ATM: variants seen among roughly 807,000 people sequenced by gnomAD.
ATM encodes the protein serine-protein kinase ATM.
ATM carries 308 observed loss-of-function variants against 387.0 expected under a neutral mutation model. That is an observed-to-expected ratio of 0.80 (90% confidence interval 0.73 to 0.87). The LOEUF (loss-of-function observed/expected upper bound fraction) is 0.87. Ranked by LOEUF, ATM falls within the 40% of genes least tolerant of loss-of-function variation. ATM has a pLI of 0.00. For synonymous variants in ATM, 1,156 were observed against 1,187.3 expected (o/e 0.97, Z 0.54); for missense variants, 3,312 against 3,560.9 (o/e 0.93, Z 1.78).
chr11:108,261,212 C>T (rs1238268134), intron 16 of ATM, among the ~76,000 whole-genome samples: 1 of 152,234 alleles, frequency 6.6e-6, no homozygotes, highest in Non-Finnish European at 1.5e-5. Flanking sequence ...CAGCAGTAAC[C>T]TCTGCAGACT....
chr11:108,324,284 A>G (rs1202441297), intron 45 of ATM, among the ~76,000 whole-genome samples: 1 of 152,182 alleles, frequency 6.6e-6, no homozygotes, highest in Non-Finnish European at 1.5e-5. Flanking sequence ...GACTTTGAAC[A>G]TCAGCATTAT....
rs1466545116 is a variant in ATM, at chr11:108,312,509, G to C, written c.6006+11G>C. On this transcript the variant is annotated intron_variant, in intron 40 of 62. Coordinates refer to ENST00000675843, the MANE Select transcript of ATM (RefSeq NM_000051.4). ...GGAATAAGTTTACAGGTAAATATTA[G>C]AGGCTCTATTATTTATGACAGTATT... 1.3e-5 allele frequency: 20 copies of C among 1,521,128 alleles called. No individual in the cohort carries two copies. Among genetic ancestry groups the C allele is most frequent in the Non-Finnish European group, 1.8e-5 (20 of 1,095,964 alleles). The allele number at this position is 1,521,128 out of a possible 1,614,324, so 94.2% of individuals were successfully genotyped here.
At chr11:108,282,166 C>T (rs893099519) in intron 24 of ATM, among the ~76,000 whole-genome samples, 4 of 150,470 alleles carry the variant, frequency 2.7e-5, no homozygotes, top group East Asian at 3.9e-4. Context: ...CTCGCTCTGT[C>T]GCCCAGACTG....
chr11:108,325,249 G>GTTT (rs11366542), intron 45 of ATM, 61 bp from the exon 46 acceptor site: 160 of 566,028 alleles, frequency 2.8e-4, no homozygotes, highest in African/African-American at 1.6e-3. Flanking sequence ...AACTTACATA[G>GTTT]TTTTTTTTTT....
chr11:108,284,489 T>G lies in ATM; in HGVS notation c.3993+16T>G, dbSNP rs2135710569. The stretch of plus-strand genomic sequence containing the variant: ...GGGAAAACAGGTATGGCTTCAATTT[T>G]TATGTACTTTTCATTCCCTGAATGA... On this transcript the variant is annotated intron_variant, in intron 26 of 62. Coordinates refer to ENST00000675843, the MANE Select transcript of ATM (RefSeq NM_000051.4). 6.2e-7 allele frequency: 1 copy of G among 1,613,472 alleles called. No homozygotes were observed. Among genetic ancestry groups the G allele is most frequent in the Non-Finnish European group, 8.5e-7 (1 of 1,179,614 alleles).
chr11:108,291,997 A>T (rs2082821321), intron 29 of ATM, among the ~76,000 whole-genome samples: 1 of 152,172 alleles, frequency 6.6e-6, no homozygotes. Flanking sequence ...TCTCAACAGT[A>T]ATCTTTTGCC....
At chr11:108,258,887 ATT>A in intron 15 of ATM, 97 bp from the exon 16 acceptor site, 1 of 943,578 alleles carries the variant, frequency 1.1e-6, no homozygotes, top group Non-Finnish European at 1.7e-6. Flanking sequence ...ATAGTAAACT[ATT>A]TATCTACATT....
chr11:108,251,209 T>C lies in ATM; in HGVS notation c.1607+137T>C, dbSNP rs2080131965. On this transcript the variant is annotated intron_variant, in intron 10 of 62. Coordinates refer to ENST00000675843, the MANE Select transcript of ATM (RefSeq NM_000051.4). ...ATTCTATTTCAGATGCTTTTCTTGT[T>C]TGGCCGAGAAGACTTAATAAATGCA... 23 of 1,347,340 alleles carry C rather than the reference T, an allele frequency of 1.7e-5. No individual in the cohort carries two copies. The South Asian group carries it at 2.9e-4, about 17-fold the overall frequency. 83.5% of individuals were successfully genotyped at this position (1,347,340 alleles called of 1,614,324 possible).
At chr11:108,270,787 C>T (rs1467374429) in intron 18 of ATM, among the ~76,000 whole-genome samples, 4 of 152,048 alleles carry the variant, frequency 2.6e-5, no homozygotes, top group Non-Finnish European at 5.9e-5. Context: ...CCTTCGCCTC[C>T]CAGGTTCAAG....
rs755397489 is a variant in ATM at position 108,301,721 on chromosome 11, G to C, written c.5251G>C (p.Glu1751Gln). ...CACAAAGACTGGACATAGTTTCTGGGAGATTTATAAGATGACAACAGATCC... is the reference window on the plus strand; with the variant it reads ...CACAAAGACTGGACATAGTTTCTGGCAGATTTATAAGATGACAACAGATCC... ...LATKTGHSFW[E>Q]IYKMTTDPML... is the part of the protein sequence containing the mutation. Residue 1751 changes from glutamate (E) to glutamine (Q), a missense_variant, in exon 35 of 63, where the codon GAG becomes CAG. By Grantham distance (29) the Glu-to-Gln change is conservative. This residue lies in a region of ATM where 1,405 missense variants were observed against 1,604.4 expected (regional missense o/e 0.88). Coordinates refer to ENST00000675843, the MANE Select transcript of ATM (RefSeq NM_000051.4). 8 of 1,613,698 alleles carry C rather than the reference G, an allele frequency of 5.0e-6. No individual in the cohort carries two copies. The South Asian group carries it at 7.7e-5, about 16-fold the overall frequency.
rs182592298 is a variant in ATM at position 108,342,426 on chromosome 11, T to C, written c.8269-796T>C. Among the ~76,000 whole-genome samples the C allele has an allele frequency of 1.6e-3, 241 of 152,284 alleles. 1 individual carries two copies. The highest frequency in any genetic ancestry group is 2.1e-3 in the Non-Finnish European group (143 of 68,022). On this transcript the variant is annotated intron_variant, in intron 56 of 62. Transcript: ENST00000675843. ...CCAAATTACAGAAATATACATATAG[T>C]ATCCTAATTTTTTTACTTAATACTT...
intron 8 of ATM, 35 bp from the exon 9 acceptor site, chr11:108,248,898 A>G: frequency 6.4e-7 from 1 of 1,565,974 alleles, no homozygotes. Flanking sequence ...CAAAAAAAAA[A>G]AAAAGAAAAA....
At position 108,367,486 on chromosome 11, in the gene ATM, A is replaced by T. The variant is rs2091394727; in HGVS notation, c.*1978A>T. 9.7e-6 allele frequency: 2 copies of T among 205,214 alleles called. No homozygotes were observed. The highest frequency in any genetic ancestry group is 2.0e-5 in the Non-Finnish European group (2 of 100,364). 12.7% of individuals were successfully genotyped at this position (205,214 alleles called of 1,614,324 possible). A position where few individuals can be genotyped will look rare whatever the true frequency, so the allele number is the denominator to read the frequency against. On this transcript the variant is annotated 3_prime_UTR_variant, in exon 63 of 63. Transcript: ENST00000675843. ...GCTGTCATCATATAAGATAAACATC[A>T]GATAAAAAGCCACCTGAAAGTAAAA...
At chr11:108,270,980 C>A in intron 18 of ATM, 84 bp from the exon 19 acceptor site, 1 of 1,143,644 alleles carries the variant, frequency 8.7e-7, no homozygotes, top group Non-Finnish European at 1.3e-6. Flanking sequence ...AGGTGTGAGC[C>A]ACTGCACCCG....
At chr11:108,235,548 C>T in intron 4 of ATM, 122 bp from the exon 5 acceptor site, 3 of 951,180 alleles carry the variant, frequency 3.2e-6, no homozygotes, top group African/African-American at 1.7e-5. Context: ...CCAATTTCTT[C>T]TCTACAAAAG....
chr11:108,224,239 G>C (rs1198691245), intron 1 of ATM: 1 of 152,150 alleles, frequency 6.6e-6, no homozygotes, highest in African/African-American at 2.4e-5. Flanking sequence ...GCTGAACCAG[G>C]ATTTGAACTA....
intron 43 of ATM, among the ~76,000 whole-genome samples, chr11:108,318,447 TG>T (rs771451976): frequency 3.3e-5 from 5 of 152,078 alleles, no homozygotes; most frequent in Non-Finnish European, 7.4e-5. Flanking sequence ...TCCCAGCACT[TG>T]GAGAGCTGAG....
At chr11:108,247,970 C>G (rs1472992359) in intron 8 of ATM, among the ~76,000 whole-genome samples, 1 of 152,152 alleles carries the variant, frequency 6.6e-6, no homozygotes, top group Non-Finnish European at 1.5e-5. Flanking sequence ...TCTCCTAGAT[C>G]CTGGCAACCA....
chr11:108,228,158 G>T (rs1649280448), intron 3 of ATM, among the ~76,000 whole-genome samples: 2 of 145,646 alleles, frequency 1.4e-5, no homozygotes, highest in African/African-American at 5.6e-5. Context: ...TTTCATTTTA[G>T]TTAGTTCACA....
Sources: allele counts gnomAD v4.1 joint callset (sites outside exome capture counted in the v4.1 genomes callset), GRCh38; gene constraint gnomAD v4.1.1; regional missense constraint gnomAD v4.1.1; transcripts MANE v1.5; gene names NCBI Gene and HGNC (gene_info 2026-07-23, HGNC 2026-07-21).